TCF7L2: variants seen among roughly 807,000 people sequenced by gnomAD.
The protein encoded by TCF7L2 is transcription factor 7 like 2.
TCF7L2 carries 23 observed loss-of-function variants against 77.9 expected under a neutral mutation model. That is an observed-to-expected ratio of 0.30 (90% confidence interval 0.21 to 0.42). The LOEUF (loss-of-function observed/expected upper bound fraction) is 0.42, where lower values mean the gene tolerates loss of function less well. TCF7L2 is among the 10% of genes least tolerant of loss of function. The probability of loss-of-function intolerance (pLI) is 1.00; values close to 1 mark genes in which losing one functional copy is unlikely to be tolerated. For synonymous variants in TCF7L2, 413 were observed against 340.2 expected (o/e 1.21, Z -2.36); for missense variants, 654 against 793.1 (o/e 0.82, Z 2.11).
chr10:113,001,844 A>C lies in TCF7L2; in HGVS notation c.450+37220A>C, dbSNP rs188896447. ...TAGTCTTGTTTGTTTCTTTTCCTCC[A>C]AAGTAATTTCCTAAAGAATTAAAAG... On this transcript the variant is annotated intron_variant, in intron 4 of 13. Coordinates refer to ENST00000627217, the MANE Select transcript of TCF7L2 (RefSeq NM_001146274.2). Among the ~76,000 whole-genome samples, 4 of 152,288 alleles carry C rather than the reference A, an allele frequency of 2.6e-5. No individual in the cohort carries two copies. In the East Asian group the frequency reaches 5.8e-4, roughly 22 times the overall value.
At chr10:113,087,286 A>G (rs918272002) in intron 5 of TCF7L2, among the ~76,000 whole-genome samples, 2 of 152,210 alleles carry the variant, frequency 1.3e-5, no homozygotes, top group African/African-American at 2.4e-5. Flanking sequence ...GTCTGTGGCA[A>G]CCATGGATAC....
At chr10:113,126,927 C>T (rs1372583673) in intron 5 of TCF7L2, 3 of 985,220 alleles carry the variant, frequency 3.0e-6, no homozygotes, top group Non-Finnish European at 3.6e-6. Context: ...TGCGCGGTGG[C>T]CGGCCCGCTG....
In TCF7L2 at chr10:112,951,284, C is replaced by G; in HGVS notation, c.256+11C>G. ...AAAGTTTGGAAGAAGGTGAGTACGCCCCGCGCGCCCCGCAGCCGCCCGGAG... is the reference window on the plus strand; with the variant it reads ...AAAGTTTGGAAGAAGGTGAGTACGCGCCGCGCGCCCCGCAGCCGCCCGGAG... On this transcript the variant is annotated intron_variant, in intron 2 of 13. Coordinates refer to ENST00000627217, the MANE Select transcript of TCF7L2 (RefSeq NM_001146274.2). 1 of 1,384,594 alleles carries G rather than the reference C, an allele frequency of 7.2e-7. No individual in the cohort carries two copies. The highest frequency in any genetic ancestry group is 2.5e-5 in the Admixed American group (1 of 39,240). The allele number at this position is 1,384,594 out of a possible 1,614,324, so 85.8% of individuals were successfully genotyped here.
chr10:112,967,099 G>A lies in TCF7L2; in HGVS notation c.450+2475G>A, dbSNP rs192954856. Among the ~76,000 whole-genome samples, 5 of 152,304 alleles carry A rather than the reference G, an allele frequency of 3.3e-5. No homozygotes were observed. The East Asian group carries it at 5.8e-4, about 18-fold the overall frequency. On this transcript the variant is annotated intron_variant, in intron 4 of 13. Transcript: ENST00000627217. ...GGGAAAAGAAGGGGAAAGCTTAGACGAAATGAAATTGTTCCCAAAGTACAT... is the reference window on the plus strand; with the variant it reads ...GGGAAAAGAAGGGGAAAGCTTAGACAAAATGAAATTGTTCCCAAAGTACAT...
At chr10:112,990,819 C>T (rs1015871287) in intron 4 of TCF7L2, among the ~76,000 whole-genome samples, 3 of 152,182 alleles carry the variant, frequency 2.0e-5, no homozygotes, top group African/African-American at 4.8e-5. Flanking sequence ...ATAACGTTTC[C>T]GTACTCATCT....
intron 5 of TCF7L2, among the ~76,000 whole-genome samples, chr10:113,118,853 A>T (rs1210417680): frequency 6.6e-6 from 1 of 152,094 alleles, no homozygotes; most frequent in Non-Finnish European, 1.5e-5. Flanking sequence ...TTAAAAAAAC[A>T]ATTTCTAGGC....
At chr10:113,115,165 A>G (rs777316578) in intron 5 of TCF7L2, among the ~76,000 whole-genome samples, 5 of 152,214 alleles carry the variant, frequency 3.3e-5, no homozygotes, top group Non-Finnish European at 4.4e-5. Flanking sequence ...GCTGGAAAGC[A>G]TGTTTTCTGT....
chr10:112,965,186 T>C (rs1300819725), intron 4 of TCF7L2, among the ~76,000 whole-genome samples: 1 of 152,192 alleles, frequency 6.6e-6, no homozygotes, highest in African/African-American at 2.4e-5. Context: ...GACCTGTCTA[T>C]GTATGACACT....
At chr10:113,152,616 C>T (rs981331468) in intron 11 of TCF7L2, among the ~76,000 whole-genome samples, 176 bp downstream of exon 11, 1 of 152,134 alleles carries the variant, frequency 6.6e-6, no homozygotes. Context: ...AGGGGCTTCC[C>T]GTGTGGATGG....
At chr10:113,036,665 CTTCT>C (rs71489996) in intron 4 of TCF7L2, among the ~76,000 whole-genome samples, 314 of 150,918 alleles carry the variant, frequency 2.1e-3, no homozygotes, top group African/African-American at 6.5e-3. Context: ...CCAAGATGGC[CTTCT>C]TTCTTTCTTT....
chr10:112,979,647 A>G (rs2040107623), intron 4 of TCF7L2, among the ~76,000 whole-genome samples: 1 of 152,184 alleles, frequency 6.6e-6, no homozygotes. Flanking sequence ...AATTCCGGCT[A>G]CTGGGGAGCT....
chr10:112,951,217 G>C lies in TCF7L2; in HGVS notation c.200G>C (p.Arg67Pro). 1.3e-6 allele frequency: 2 copies of C among 1,583,834 alleles called. No individual in the cohort carries two copies. The highest frequency in any genetic ancestry group is 2.3e-5 in the South Asian group (2 of 88,032). ...CACCCCTCTGGGAAGGCGGAAAGACGGCCTCCGCCTCGCTCCGAAAGTTTC... is the reference window on the plus strand; with the variant it reads ...CACCCCTCTGGGAAGGCGGAAAGACCGCCTCCGCCTCGCTCCGAAAGTTTC... The change falls in exon 2 of 14, where the codon CGG becomes CCG. Residue 67 changes from arginine (R) to proline (P), a missense_variant. Coordinates refer to ENST00000627217, the MANE Select transcript of TCF7L2 (RefSeq NM_001146274.2).
chr10:113,041,061 T>G (rs999220097), intron 5 of TCF7L2, among the ~76,000 whole-genome samples: 8 of 152,236 alleles, frequency 5.3e-5, no homozygotes, highest in Non-Finnish European at 7.3e-5. Flanking sequence ...ATAAGTTTCT[T>G]AAGTAGAAAA....
intron 11 of TCF7L2, among the ~76,000 whole-genome samples, chr10:113,156,213 C>G (rs1171207587): frequency 6.0e-5 from 9 of 150,682 alleles, no homozygotes; most frequent in Admixed American, 5.3e-4. Context: ...CTCCCAGGTT[C>G]AAGTGATCCT....
chr10:112,981,059 T>C (rs573638308), intron 4 of TCF7L2, among the ~76,000 whole-genome samples: 1 of 152,366 alleles, frequency 6.6e-6, no homozygotes, highest in East Asian at 1.9e-4. Context: ...AAAGTGTCCC[T>C]AAGCTAAGAA....
chr10:112,991,667 G>T (rs1011843030), intron 4 of TCF7L2, among the ~76,000 whole-genome samples: 36 of 152,174 alleles, frequency 2.4e-4, no homozygotes, highest in Admixed American at 6.5e-5. Flanking sequence ...TCTAGTCAGG[G>T]CTTGTTACAT....
chr10:113,028,142 G>T (rs759613022), intron 4 of TCF7L2, among the ~76,000 whole-genome samples: 12 of 152,178 alleles, frequency 7.9e-5, no homozygotes, highest in Non-Finnish European at 1.6e-4. Context: ...ATAGAGACAA[G>T]GATTACCAAC....
chr10:113,081,202 T>G (rs958259963), intron 5 of TCF7L2, among the ~76,000 whole-genome samples: 5 of 152,190 alleles, frequency 3.3e-5, no homozygotes, highest in African/African-American at 1.2e-4. Context: ...TGTTGGCTTT[T>G]AAAGAGAGGA....
chr10:113,144,916 TG>T (rs1183600729), intron 7 of TCF7L2, among the ~76,000 whole-genome samples: 4 of 152,340 alleles, frequency 2.6e-5, no homozygotes, highest in African/African-American at 9.6e-5. Context: ...TTTCTGTGGA[TG>T]TATTTCTCCT....
Sources: allele counts gnomAD v4.1 joint callset (sites outside exome capture counted in the v4.1 genomes callset), GRCh38; gene constraint gnomAD v4.1.1; transcripts MANE v1.5; gene names NCBI Gene and HGNC (gene_info 2026-07-23, HGNC 2026-07-21).